IL34: variants seen among roughly 807,000 people sequenced by gnomAD.
IL34 encodes the protein interleukin-34.
In IL34, 17 loss-of-function variants were observed where a neutral mutation model predicts 25.3. The ratio of observed to expected loss-of-function variants is 0.67; its 90% CI spans 0.46 to 1.01. The LOEUF is 1.01. Among genes scored for constraint, IL34 ranks in the 50% least tolerant of loss-of-function variants. IL34 has a pLI of 0.00. For missense variants in IL34, 368 were observed against 312.9 expected, an observed-to-expected ratio of 1.18 and a Z score of -1.33; for synonymous variants, 174 against 140.9, an observed-to-expected ratio of 1.23 and a Z score of -1.66.
At chr16:70,581,400 CTT>C (rs756338626) in intron 1 of IL34, among the ~76,000 whole-genome samples, 11 of 141,452 alleles carry the variant, frequency 7.8e-5, no homozygotes, top group Non-Finnish European at 1.1e-4. Flanking sequence ...GTGGAAATAA[CTT>C]TTTTTTTTTT....
At chr16:70,654,241 C>T (rs1366870804) in intron 1 of IL34, 8 of 265,882 alleles carry the variant, frequency 3.0e-5, no homozygotes, top group South Asian at 1.4e-4. Context: ...GCCTGCCCCA[C>T]GGAGCGACAG....
intron 1 of IL34, among the ~76,000 whole-genome samples, chr16:70,629,469 C>G (rs974667819): frequency 6.6e-6 from 1 of 152,128 alleles, no homozygotes; most frequent in African/African-American, 2.4e-5. Flanking sequence ...CCCAAAGATA[C>G]CAAAATCCAT....
upstream of IL34, among the ~76,000 whole-genome samples, chr16:70,643,634 C>T (rs759877349): frequency 6.6e-6 from 1 of 152,198 alleles, no homozygotes; most frequent in Non-Finnish European, 1.5e-5. Context: ...CTTGGCCTCC[C>T]AAGGTGCTGG....
At chr16:70,648,796 C>T (rs888637491) in intron 1 of IL34, among the ~76,000 whole-genome samples, 2 of 152,088 alleles carry the variant, frequency 1.3e-5, no homozygotes, top group Non-Finnish European at 2.9e-5. Flanking sequence ...AATGTGTCGT[C>T]TCACAGTTCT....
intron 1 of IL34, among the ~76,000 whole-genome samples, chr16:70,589,869 T>A (rs1382719313): frequency 6.6e-6 from 1 of 152,140 alleles, no homozygotes; most frequent in Non-Finnish European, 1.5e-5. Flanking sequence ...ATGATCCGCC[T>A]GCCTCGGCCT....
chr16:70,623,925 G>T (rs1597754456), intron 1 of IL34, among the ~76,000 whole-genome samples: 1 of 146,378 alleles, frequency 6.8e-6, no homozygotes. Context: ...TTGAAAAGAA[G>T]GTAATGTGGA....
chr16:70,646,892 G>C lies in IL34; in HGVS notation c.-56G>C. 1 of 1,466,508 alleles carries C rather than the reference G, an allele frequency of 6.8e-7. No homozygotes were observed. Among genetic ancestry groups the C allele is most frequent in the Non-Finnish European group, 9.0e-7 (1 of 1,112,422 alleles). The allele number at this position is 1,466,508 out of a possible 1,614,324, so 90.8% of individuals were successfully genotyped here. ...CCATGTAGGCCGTGCTTAGGCCTCT[G>C]TGGACACACTGCTGGGGACGGCGCC... On this transcript the variant is annotated 5_prime_UTR_variant, in exon 1 of 6. Transcript: ENST00000288098.
intron 1 of IL34, among the ~76,000 whole-genome samples, chr16:70,639,561 G>A (rs1486135041): frequency 6.6e-6 from 1 of 152,212 alleles, no homozygotes; most frequent in Non-Finnish European, 1.5e-5. Flanking sequence ...AGAGTGGAGT[G>A]CAGTTGTCAC....
chr16:70,656,042 G>A lies in IL34; in HGVS notation c.163-560G>A, dbSNP rs74581474. Among the ~76,000 whole-genome samples, 8 of 152,324 alleles carry A rather than the reference G, an allele frequency of 5.3e-5. No individual in the cohort carries two copies. In the East Asian group the frequency reaches 1.2e-3, roughly 22 times the overall value. ...AACATTCTCACCCACAAAATAACATGTTTTTCTTGAAGTAACGTGTCCTCA... is the reference window on the plus strand; with the variant it reads ...AACATTCTCACCCACAAAATAACATATTTTTCTTGAAGTAACGTGTCCTCA... On this transcript the variant is annotated intron_variant, in intron 2 of 5. Coordinates refer to ENST00000288098, the MANE Select transcript of IL34 (RefSeq NM_001393494.1).
rs576275312 is a variant in IL34, at chr16:70,631,958, G to A, written c.-400-14590G>A. ...AAAATTATAATACAAAAAATTAGCT[G>A]AGTGTGCTGTTGTGTACCTGTAATC... On this transcript the variant is annotated intron_variant, in intron 1 of 6. Transcript: ENST00000429149. Among the ~76,000 whole-genome samples the A allele has an allele frequency of 4.5e-3, 677 of 152,100 alleles. 4 individuals are homozygous for A. Among genetic ancestry groups the A allele is most frequent in the African/African-American group, 0.015 (611 of 41,464 alleles).
In IL34 at chr16:70,594,004, A is replaced by G. The variant is rs1281230041; in HGVS notation, c.-401+13955A>G. On this transcript the variant is annotated intron_variant, in intron 1 of 6. Transcript: ENST00000429149. ...CACTGATCTATTTGTCTGTTCTTTC[A>G]CCAATACCACACTATCTTGATTGCT... Among the ~76,000 whole-genome samples, 4 of 152,218 alleles carry G rather than the reference A, an allele frequency of 2.6e-5. No individual in the cohort carries two copies. In the South Asian group the frequency reaches 8.3e-4, roughly 32 times the overall value.
intron 1 of IL34, among the ~76,000 whole-genome samples, chr16:70,633,853 C>G (rs2051575906): frequency 6.6e-6 from 1 of 151,350 alleles, no homozygotes; most frequent in Non-Finnish European, 1.5e-5. Flanking sequence ...CCCTGAGTCT[C>G]TCTCTTTTTT....
At chr16:70,594,956 T>TC (rs199831570) in intron 1 of IL34, among the ~76,000 whole-genome samples, 152 of 131,038 alleles carry the variant, frequency 1.2e-3, no homozygotes, top group Middle Eastern at 3.8e-3. Flanking sequence ...TCTCTCTCTC[T>TC]TTTTTTTTTT....
chr16:70,644,298 T>C (rs1405148156), upstream of IL34, among the ~76,000 whole-genome samples: 1 of 152,162 alleles, frequency 6.6e-6, no homozygotes, highest in Admixed American at 6.5e-5. Context: ...TTATTCTGCC[T>C]CAACTGATTC....
intron 1 of IL34, among the ~76,000 whole-genome samples, chr16:70,613,111 C>T (rs1228878733): frequency 6.6e-6 from 1 of 152,174 alleles, no homozygotes; most frequent in Non-Finnish European, 1.5e-5. Flanking sequence ...TCGTCTTCTT[C>T]AGGTTCCCAC....
chr16:70,586,198 C>T (rs2050692896), intron 1 of IL34, among the ~76,000 whole-genome samples: 1 of 152,144 alleles, frequency 6.6e-6, no homozygotes, highest in Non-Finnish European at 1.5e-5. Flanking sequence ...TTTTGTTTAT[C>T]TATTTACCTG....
chr16:70,581,400 C>CTT (rs756338626), intron 1 of IL34, among the ~76,000 whole-genome samples: 4,557 of 141,514 alleles, frequency 0.032, 266 homozygotes, highest in African/African-American at 0.11. Context: ...GTGGAAATAA[C>CTT]TTTTTTTTTT....
At chr16:70,641,572 T>C (rs1289890781), upstream of IL34, among the ~76,000 whole-genome samples, 1 of 150,406 alleles carries the variant, frequency 6.6e-6, no homozygotes, top group East Asian at 1.9e-4. Context: ...TTTCTTTTTT[T>C]TTTTACTTTT....
intron 1 of IL34, among the ~76,000 whole-genome samples, chr16:70,581,867 G>C (rs939270169): frequency 2.0e-5 from 3 of 152,192 alleles, no homozygotes; most frequent in African/African-American, 7.2e-5. Context: ...TGGATTGCTT[G>C]AGCCTGGGAT....
Sources: gnomAD v4.1 joint callset for allele counts (sites outside exome capture counted in the v4.1 genomes callset) on GRCh38, gnomAD v4.1.1 for gene constraint, MANE v1.5 for transcripts, NCBI Gene and HGNC (gene_info 2026-07-23, HGNC 2026-07-21) for gene names.